AIG1: variants seen among roughly 807,000 people sequenced by gnomAD.
AIG1 encodes androgen-induced gene 1 protein.
AIG1 carries 23 observed loss-of-function variants against 31.4 expected under a neutral mutation model. That is an observed-to-expected ratio of 0.73 (90% CI 0.53 to 1.04). AIG1 has a LOEUF of 1.04. Ranked by LOEUF, AIG1 falls within the 50% of genes least tolerant of loss-of-function variation. The pLI, the probability that AIG1 is intolerant of heterozygous loss-of-function variation, is 0.00. For missense variants in AIG1, 274 were observed against 295.0 expected, an observed-to-expected ratio of 0.93 and a Z score of 0.52; for synonymous variants, 100 against 110.5, an observed-to-expected ratio of 0.90 and a Z score of 0.60.
At chr6:143,117,704 A>G (rs1781859744) in intron 1 of AIG1, among the ~76,000 whole-genome samples, 1 of 152,206 alleles carries the variant, frequency 6.6e-6, no homozygotes, top group South Asian at 2.1e-4. Flanking sequence ...ATCTAAAGTC[A>G]AGAGTCGATC....
chr6:143,320,612 C>T (rs1177787982), intron 4 of AIG1, among the ~76,000 whole-genome samples: 2 of 152,028 alleles, frequency 1.3e-5, no homozygotes, highest in Non-Finnish European at 2.9e-5. Flanking sequence ...ACTATATGAT[C>T]CCACTTATAT....
At chr6:143,319,975 GAATA>G (rs1004552225) in intron 4 of AIG1, among the ~76,000 whole-genome samples, 1 of 151,826 alleles carries the variant, frequency 6.6e-6, no homozygotes, top group Non-Finnish European at 1.5e-5. Context: ...AGCTGATAAA[GAATA>G]AATATCCAAA....
intron 3 of AIG1, among the ~76,000 whole-genome samples, chr6:143,169,509 A>G (rs1397654498): frequency 1.3e-5 from 2 of 152,116 alleles, no homozygotes; most frequent in Non-Finnish European, 2.9e-5. Flanking sequence ...GTTAACCTAT[A>G]TTCATTCTGT....
intron 3 of AIG1, among the ~76,000 whole-genome samples, chr6:143,254,985 C>T (rs1795282478): frequency 6.6e-6 from 1 of 152,082 alleles, no homozygotes; most frequent in African/African-American, 2.4e-5. Flanking sequence ...CTGCAGTGAG[C>T]CCATGATCAT....
rs184839131 is a variant in AIG1 at position 143,338,257 on chromosome 6, C to A, written c.680-1382C>A. ...TTTTCTTCTTTCCGTGGTTACCCAA[C>A]AACGAAGGCGTGTTGTACCTTCTTG... On this transcript the variant is annotated intron_variant, in intron 5 of 5. Transcript: ENST00000357847. The surrounding 1 kb of genome is among the most constrained non-coding windows in gnomAD (Gnocchi z 4.3). 1.9e-5 allele frequency: 7 copies of A among 375,418 alleles called. No individual in the cohort carries two copies. In the East Asian group the frequency reaches 2.7e-4, roughly 14 times the overall value. 23.3% of individuals were successfully genotyped at this position (375,418 alleles called of 1,614,324 possible). A position where few individuals can be genotyped will look rare whatever the true frequency, so the allele number is the denominator to read the frequency against.
intron 2 of AIG1, among the ~76,000 whole-genome samples, chr6:143,150,373 C>T (rs1785100592): frequency 6.6e-6 from 1 of 152,148 alleles, no homozygotes. Context: ...CTTCAATAGA[C>T]CTTCTGGCAA....
intron 3 of AIG1, among the ~76,000 whole-genome samples, chr6:143,275,548 C>A (rs748137746): frequency 6.6e-6 from 1 of 152,158 alleles, no homozygotes; most frequent in African/African-American, 2.4e-5. Context: ...TCTTTCATGT[C>A]TTGCAGTGGT....
chr6:143,296,602 A>G (rs1798442737), intron 4 of AIG1, among the ~76,000 whole-genome samples: 1 of 152,192 alleles, frequency 6.6e-6, no homozygotes. Flanking sequence ...ACAGCACCCA[A>G]CAGAGGCACA....
chr6:143,209,958 A>G (rs773900254), intron 3 of AIG1, among the ~76,000 whole-genome samples: 5 of 152,200 alleles, frequency 3.3e-5, no homozygotes, highest in African/African-American at 4.8e-5. Flanking sequence ...CAGAGCGTCA[A>G]ATACACTAGT....
Position 143,225,625 on chromosome 6 carries a change from A to G in AIG1, c.400-58485A>G, listed in dbSNP as rs550363675. Among the ~76,000 whole-genome samples the G allele has an allele frequency of 5.3e-5, 8 of 152,334 alleles. No individual in the cohort carries two copies. The South Asian group carries it at 1.7e-3, about 32-fold the overall frequency. On this transcript the variant is annotated intron_variant, in intron 3 of 5. Coordinates refer to ENST00000357847, the MANE Select transcript of AIG1 (RefSeq NM_016108.4). Reference sequence around the variant, plus strand: ...CCTGCATCTTCATGTTGATGTTATTAGCTTTATTTGCCTAAAAGAGGCAGC... The same window carrying G: ...CCTGCATCTTCATGTTGATGTTATTGGCTTTATTTGCCTAAAAGAGGCAGC...
chr6:143,083,639 C>T lies in AIG1; in HGVS notation c.141+22573C>T, dbSNP rs564091374. 2.2e-3 allele frequency among the ~76,000 whole-genome samples: 337 copies of T among 152,270 alleles called. 2 individuals carry two copies. The highest frequency in any genetic ancestry group is 7.5e-3 in the African/African-American group (311 of 41,544). ...CTGTACTCCTAAAATTGGAGTATTG[C>T]AGGGGCTACTGCATGGTTTTACTAG... On this transcript the variant is annotated intron_variant, in intron 1 of 5. Transcript: ENST00000357847.
chr6:143,235,448 T>C (rs977642328), intron 3 of AIG1, among the ~76,000 whole-genome samples: 1 of 152,034 alleles, frequency 6.6e-6, no homozygotes, highest in Non-Finnish European at 1.5e-5. Flanking sequence ...ATGTGGGAAA[T>C]GTACATATCT....
chr6:143,285,522 G>T (rs1416121415), intron 4 of AIG1, among the ~76,000 whole-genome samples: 1 of 151,726 alleles, frequency 6.6e-6, no homozygotes, highest in Non-Finnish European at 1.5e-5. Context: ...AATTAGCCAG[G>T]TGTGGTGGTG....
At chr6:143,143,587 T>A (rs1245958003) in intron 2 of AIG1, among the ~76,000 whole-genome samples, 1 of 139,790 alleles carries the variant, frequency 7.2e-6, no homozygotes, top group Non-Finnish European at 1.5e-5. Context: ...GATCCTCTCT[T>A]TATTAAATTT....
chr6:143,147,283 C>T (rs540651443), intron 2 of AIG1, among the ~76,000 whole-genome samples: 1 of 152,136 alleles, frequency 6.6e-6, no homozygotes, highest in South Asian at 2.1e-4. Context: ...GGATTCTCTG[C>T]GACTTTGTTC....
chr6:143,248,186 A>C (rs1283274762), intron 3 of AIG1, among the ~76,000 whole-genome samples: 1 of 152,200 alleles, frequency 6.6e-6, no homozygotes, highest in Non-Finnish European at 1.5e-5. Context: ...AGGGAAAAAA[A>C]CAGAAAACTC....
intron 3 of AIG1, among the ~76,000 whole-genome samples, chr6:143,190,759 C>T (rs1365387864): frequency 6.6e-6 from 1 of 152,146 alleles, no homozygotes; most frequent in Non-Finnish European, 1.5e-5. Context: ...TCTACATTAT[C>T]ATCATTTATA....
chr6:143,078,307 A>C (rs949636412), intron 1 of AIG1, among the ~76,000 whole-genome samples: 1 of 152,194 alleles, frequency 6.6e-6, no homozygotes, highest in African/African-American at 2.4e-5. Flanking sequence ...GGATTATTGA[A>C]GAGCTGCCCT....
At chr6:143,117,518 T>A (rs140968544) in intron 1 of AIG1, among the ~76,000 whole-genome samples, 1 of 152,164 alleles carries the variant, frequency 6.6e-6, no homozygotes, top group East Asian at 1.9e-4. Context: ...TCCATTGAGA[T>A]GAGGATGACG....
Sources: allele counts gnomAD v4.1 joint callset (sites outside exome capture counted in the v4.1 genomes callset), GRCh38; gene constraint gnomAD v4.1.1; non-coding constraint Gnocchi (gnomAD v3.1); transcripts MANE v1.5; gene names NCBI Gene and HGNC (gene_info 2026-07-23, HGNC 2026-07-21).